Variants in CTSK observed in about 807,000 individuals in gnomAD.
The protein encoded by CTSK is cathepsin K.
In CTSK, 26 loss-of-function variants were observed where a neutral mutation model predicts 40.5. The observed-to-expected ratio is 0.64, with a 90% confidence interval of 0.47 to 0.89. CTSK has a LOEUF of 0.89. CTSK is among the 40% of genes least tolerant of loss of function. The pLI, the probability that CTSK is intolerant of heterozygous loss-of-function variation, is 0.00. For missense variants in CTSK, 292 were observed against 400.1 expected, an observed-to-expected ratio of 0.73 and a Z score of 2.30; for synonymous variants, 132 against 143.2, an observed-to-expected ratio of 0.92 and a Z score of 0.56.
rs1365258954 is a variant in CTSK, at chr1:150,799,180, A to G, written c.878T>C (p.Ile293Thr). Residue 293 changes from isoleucine to threonine, a missense_variant, in exon 7 of 8, where the codon ATA becomes ACA. Coordinates refer to ENST00000271651, the MANE Select transcript of CTSK (RefSeq NM_000396.4). The part of the protein sequence containing the change: ...YGIQKGNKHW[I>T]IKNSWGENWG... ...TTCCCATCATTACCTGTTTTTAATT[A>G]TCCAGTGCTTGTTTCCCTTCTGGAT... The G allele has an allele frequency of 1.2e-6, 2 of 1,606,308 alleles. No individual in the cohort carries two copies. The highest frequency in any genetic ancestry group is 3.3e-5 in the Admixed American group (2 of 60,026).
Position 150,805,202 on chromosome 1 carries a change from G to A in CTSK, c.399+659C>T, listed in dbSNP as rs1262387589. 2.7e-5 allele frequency among the ~76,000 whole-genome samples: 3 copies of A among 110,564 alleles called. No individual in the cohort carries two copies. The East Asian group carries it at 9.7e-4, about 36-fold the overall frequency. The allele number at this position is 110,564 out of a possible 152,430, so 72.5% of individuals were successfully genotyped here. A position where few individuals can be genotyped will look rare whatever the true frequency, so the allele number is the denominator to read the frequency against. On this transcript the variant is annotated intron_variant, in intron 4 of 7. Transcript: ENST00000271651. ...GGACTCCAGCCTGGGTGACAGAGAC[G>A]CTGTCTCAAAAAAAAAAAAAAAATT...
Position 150,804,167 on chromosome 1 carries a change from T to C in CTSK, c.472A>G (p.Lys158Glu). Reference sequence around the variant, plus strand: ...TTCTGGGGACTCAGATTTAAGAGTTTGCCAGTTTTCTTCTTGAGTTGGCCC... The same window carrying C: ...TTCTGGGGACTCAGATTTAAGAGTTCGCCAGTTTTCTTCTTGAGTTGGCCC... ...LEGQLKKKTG[K>E]LLNLSPQNLV... Residue 158 changes from lysine to glutamate, a missense_variant, in exon 5 of 8, where the codon AAA becomes GAA. Lys to Glu is a moderately conservative substitution (Grantham distance 56). Coordinates refer to ENST00000271651, the MANE Select transcript of CTSK (RefSeq NM_000396.4). 1.9e-6 allele frequency: 3 copies of C among 1,614,182 alleles called. No homozygotes were observed. Among genetic ancestry groups the C allele is most frequent in the Admixed American group, 1.7e-5 (1 of 60,016 alleles).
chr1:150,806,795 A>C lies in CTSK; in HGVS notation c.11T>G (p.Leu4Arg). MWG[L>R]KVLLLPVVSF... ...CACCACAGGTAGCAGCAGAACCTTG[A>C]GCCCCCACATCCTGCAGAAGAATGT... Residue 4 changes from leucine (L) to arginine (R), a missense_variant, in exon 2 of 8, where the codon CTC becomes CGC. Physicochemically the swap from Leu to Arg is moderately radical, Grantham distance 102. Coordinates refer to ENST00000271651, the MANE Select transcript of CTSK (RefSeq NM_000396.4). 1 of 1,613,960 alleles carries C rather than the reference A, an allele frequency of 6.2e-7. No homozygotes were observed. Among genetic ancestry groups the C allele is most frequent in the Non-Finnish European group, 8.5e-7 (1 of 1,180,034 alleles).
At position 150,796,462 on chromosome 1, in the gene CTSK, T is replaced by A. The variant is rs937138638; in HGVS notation, c.*337A>T. On this transcript the variant is annotated 3_prime_UTR_variant, in exon 8 of 8. Transcript: ENST00000271651. ...GCTTAAAGCTAACTAGTCCCGTGAATGAGAATCTAACCTATGTGAAAATCT... is the reference window on the plus strand; with the variant it reads ...GCTTAAAGCTAACTAGTCCCGTGAAAGAGAATCTAACCTATGTGAAAATCT... The A allele has an allele frequency of 5.8e-5, 25 of 430,444 alleles. No individual in the cohort carries two copies. The highest frequency in any genetic ancestry group is 9.9e-5 in the Non-Finnish European group (23 of 232,734). 26.7% of individuals were successfully genotyped at this position (430,444 alleles called of 1,614,324 possible). A position where few individuals can be genotyped will look rare whatever the true frequency, so the allele number is the denominator to read the frequency against.
rs1203329759 is a variant in CTSK, at chr1:150,807,493, G to A, written c.-1-687C>T. ...TGCCCTAATCTTAACCAGATGCTGCGGGCAAGGTTTTTTATTTTTCCCCTA... is the reference window on the plus strand; with the variant it reads ...TGCCCTAATCTTAACCAGATGCTGCAGGCAAGGTTTTTTATTTTTCCCCTA... On this transcript the variant is annotated intron_variant, in intron 1 of 7. Coordinates refer to ENST00000271651, the MANE Select transcript of CTSK (RefSeq NM_000396.4). 7 of 381,472 alleles carry A rather than the reference G, an allele frequency of 1.8e-5. 1 individual carries two copies. Among genetic ancestry groups the A allele is most frequent in the African/African-American group, 2.1e-5 (1 of 46,688 alleles). 23.6% of individuals were successfully genotyped at this position (381,472 alleles called of 1,614,324 possible).
Position 150,796,832 on chromosome 1 carries a change from G to A in CTSK, c.957C>T (p.Gly319=), listed in dbSNP as rs1653884668. The A allele has an allele frequency of 1.2e-6, 2 of 1,614,130 alleles. No individual in the cohort carries two copies. Among genetic ancestry groups the A allele is most frequent in the Non-Finnish European group, 1.7e-6 (2 of 1,179,974 alleles). ...TGGGGAAGCTGGCCAGGTTGGCAATGCCACAGGCGTTGTTCTTATTTCGAG... is the reference window on the plus strand; with the variant it reads ...TGGGGAAGCTGGCCAGGTTGGCAATACCACAGGCGTTGTTCTTATTTCGAG... ...LMARNKNNAC[G]IANLASFPKM The change falls in exon 8 of 8, where the codon GGC becomes GGT. Residue 319 remains glycine, a synonymous_variant. Transcript: ENST00000271651.
In CTSK at chr1:150,799,533, C is replaced by G; in HGVS notation, c.784+11G>C. 1.2e-6 allele frequency: 2 copies of G among 1,614,150 alleles called. No homozygotes were observed. The highest frequency in any genetic ancestry group is 1.7e-6 in the Non-Finnish European group (2 of 1,179,988). On this transcript the variant is annotated intron_variant, in intron 6 of 7. Transcript: ENST00000271651. ...AAAAGACAGTGCTGTATAGGATCAG[C>G]AGCTTCTTACCTTTGCTGTAAAACT...
At chr1:150,805,752 A>C in intron 4 of CTSK, 109 bp downstream of exon 4, 1 of 1,089,536 alleles carries the variant, frequency 9.2e-7, no homozygotes, top group Non-Finnish European at 1.4e-6. Context: ...GATGTACCTT[A>C]ATTCCTTGCC....
At chr1:150,806,886 A>G (rs1444936842) in intron 1 of CTSK, 80 bp from the exon 2 acceptor site, 2 of 1,542,630 alleles carry the variant, frequency 1.3e-6, no homozygotes, top group Non-Finnish European at 1.8e-6. Flanking sequence ...AGGAAGAGAA[A>G]GGTAGACGGA....
In CTSK at chr1:150,805,230, G is replaced by C. The variant is rs971780428; in HGVS notation, c.399+631C>G. ...GTCTCAAAAAAAAAAAAAAAATTTG[G>C]GGGGGGGGAAAGGATTATTTGTGAC... On this transcript the variant is annotated intron_variant, in intron 4 of 7. Transcript: ENST00000271651. Among the ~76,000 whole-genome samples the C allele has an allele frequency of 5.6e-5, 8 of 142,344 alleles. No individual in the cohort carries two copies. In the South Asian group the frequency reaches 7.2e-4, roughly 13 times the overall value. 93.4% of individuals were successfully genotyped at this position (142,344 alleles called of 152,430 possible).
chr1:150,807,361 G>A (rs1443841500), intron 1 of CTSK: 1 of 471,140 alleles, frequency 2.1e-6, no homozygotes, highest in East Asian at 6.9e-5. Flanking sequence ...AGAGGACAAG[G>A]GAAAATAGGA....
At chr1:150,800,110 T>C (rs1360531924) in intron 5 of CTSK, among the ~76,000 whole-genome samples, 1 of 142,034 alleles carries the variant, frequency 7.0e-6, no homozygotes, top group African/African-American at 2.7e-5. Context: ...GGCAGGAGAA[T>C]GGCGTGAACC....
intron 6 of CTSK, 28 bp downstream of exon 6, chr1:150,799,516 G>C (rs1257882672): frequency 1.2e-6 from 2 of 1,612,142 alleles, no homozygotes; most frequent in Non-Finnish European, 1.7e-6. Flanking sequence ...ATAAAAGACA[G>C]TGCTGTATAG....
At chr1:150,797,943 A>G (rs77103677) in intron 7 of CTSK, among the ~76,000 whole-genome samples, 1 of 152,214 alleles carries the variant, frequency 6.6e-6, no homozygotes, top group Non-Finnish European at 1.5e-5. Context: ...TGATATAAAA[A>G]GTTGCTTCAG....
chr1:150,806,564 A>T, intron 2 of CTSK, 122 bp downstream of exon 2: 1 of 1,259,888 alleles, frequency 7.9e-7, no homozygotes, highest in Non-Finnish European at 1.2e-6. Context: ...AACATGAGTT[A>T]GGGAAGAGGG....
rs1432669418 is a variant in CTSK, at chr1:150,807,238, G to A, written c.-1-432C>T. 8.5e-6 allele frequency: 4 copies of A among 473,356 alleles called. No homozygotes were observed. The Admixed American group carries it at 9.4e-5, about 11-fold the overall frequency. The allele number at this position is 473,356 out of a possible 1,614,324, so 29.3% of individuals were successfully genotyped here. ...AGACAAATAGCAAGGTGGTAGTGGGGTTCAGAATACACAAAGGAGAGATTT... is the reference window on the plus strand; with the variant it reads ...AGACAAATAGCAAGGTGGTAGTGGGATTCAGAATACACAAAGGAGAGATTT... On this transcript the variant is annotated intron_variant, in intron 1 of 7. Coordinates refer to ENST00000271651, the MANE Select transcript of CTSK (RefSeq NM_000396.4).
Position 150,804,044 on chromosome 1 carries a change from C to A in CTSK, c.595G>T (p.Asp199Tyr). The A allele has an allele frequency of 1.2e-6, 2 of 1,614,216 alleles. No individual in the cohort carries two copies. Among genetic ancestry groups the A allele is most frequent in the East Asian group, 4.5e-5 (2 of 44,890 alleles). ...VQKNRGIDSE[D>Y]AYPYVGQEES... ...ACCTGTCCCACATATGGGTAGGCAT[C>A]TTCAGAGTCAATACCCCGGTTCTTC... Residue 199 changes from aspartate to tyrosine, a missense_variant, in exon 5 of 8, where the codon GAT becomes TAT. By Grantham distance (160) the Asp-to-Tyr change is radical. Transcript: ENST00000271651.
chr1:150,799,328 G>A, intron 6 of CTSK, 55 bp from the exon 7 acceptor site: 1 of 1,371,114 alleles, frequency 7.3e-7, no homozygotes, highest in South Asian at 1.2e-5. Context: ...TCACCCTGTG[G>A]GATCTCCCAG....
In CTSK at chr1:150,796,907, C is replaced by T. The variant is rs201194105; in HGVS notation, c.891-9G>A. 6.3e-7 allele frequency: 1 copy of T among 1,579,212 alleles called. No homozygotes were observed. The highest frequency in any genetic ancestry group is 8.7e-7 in the Non-Finnish European group (1 of 1,148,306). ...CCCAGTTTTCTCCCCAGCTGTAAGA[C>T]CAATCAAGAAAAATACTTAGTACTC... On this transcript the variant is annotated splice_polypyrimidine_tract_variant and intron_variant, in intron 7 of 7. Coordinates refer to ENST00000271651, the MANE Select transcript of CTSK (RefSeq NM_000396.4).
Sources: gnomAD v4.1 joint callset for allele counts (sites outside exome capture counted in the v4.1 genomes callset) on GRCh38, gnomAD v4.1.1 for gene constraint, MANE v1.5 for transcripts, NCBI Gene and HGNC (gene_info 2026-07-23, HGNC 2026-07-21) for gene names.